KCNB2: variants seen among roughly 807,000 people sequenced by gnomAD.
KCNB2 encodes the protein potassium voltage-gated channel subfamily B member 2.
In KCNB2, 15 loss-of-function variants were observed where a neutral mutation model predicts 61.5. The ratio of observed to expected loss-of-function variants is 0.24; its 90% CI spans 0.16 to 0.38. The LOEUF (loss-of-function observed/expected upper bound fraction) is 0.38, where lower values mean the gene tolerates loss of function less well. Among genes scored for constraint, KCNB2 ranks in the 10% least tolerant of loss-of-function variants. KCNB2 has a pLI of 1.00. For missense variants in KCNB2, 828 were observed against 1,125.2 expected (o/e 0.74, Z 3.78); for synonymous variants, 457 against 446.0 (o/e 1.02, Z -0.31).
chr8:72,614,416 T>C (rs1276282511), intron 2 of KCNB2, among the ~76,000 whole-genome samples: 1 of 152,208 alleles, frequency 6.6e-6, no homozygotes, highest in Non-Finnish European at 1.5e-5. Context: ...CTAATAGCCC[T>C]GTAAAGGTAG....
chr8:72,678,705 T>G (rs1806703362), intron 2 of KCNB2, among the ~76,000 whole-genome samples: 1 of 152,220 alleles, frequency 6.6e-6, no homozygotes. Context: ...ACGTCAGGGA[T>G]TTTGTTTGTA....
At chr8:72,914,447 T>C (rs1806355594) in intron 2 of KCNB2, among the ~76,000 whole-genome samples, 2 of 152,236 alleles carry the variant, frequency 1.3e-5, no homozygotes. Context: ...TTCCTAGCCA[T>C]GCTTACTTAT....
At chr8:72,914,846 A>G (rs764768976) in intron 2 of KCNB2, among the ~76,000 whole-genome samples, 2 of 152,146 alleles carry the variant, frequency 1.3e-5, no homozygotes, top group Non-Finnish European at 2.9e-5. Context: ...TCAATCAGAC[A>G]TATCCTGACG....
rs945020672 is a variant in KCNB2 at position 72,937,500 on chromosome 8, C to G, written c.2145C>G (p.Leu715=). 1 of 1,613,860 alleles carries G rather than the reference C, an allele frequency of 6.2e-7. No individual in the cohort carries two copies. The highest frequency in any genetic ancestry group is 1.3e-5 in the African/African-American group (1 of 74,864). ...KGSNPLKSRS[L]KVNFKENRGS... ...GCAACCCACTAAAGTCCAGATCCCTCAAAGTGAACTTTAAGGAAAATAGAG... is the reference window on the plus strand; with the variant it reads ...GCAACCCACTAAAGTCCAGATCCCTGAAAGTGAACTTTAAGGAAAATAGAG... The change falls in exon 3 of 3, where the codon CTC becomes CTG. Residue 715 remains leucine, a synonymous_variant. Coordinates refer to ENST00000523207, the MANE Select transcript of KCNB2 (RefSeq NM_004770.3).
chr8:72,798,325 C>A (rs1385021098), intron 2 of KCNB2, among the ~76,000 whole-genome samples: 1 of 152,170 alleles, frequency 6.6e-6, no homozygotes, highest in African/African-American at 2.4e-5. Context: ...ACATGCAATT[C>A]TTCAGTGACA....
intron 2 of KCNB2, among the ~76,000 whole-genome samples, chr8:72,924,933 C>T (rs567846759): frequency 7.2e-4 from 110 of 152,286 alleles, no homozygotes; most frequent in African/African-American, 2.2e-3. Context: ...TCTGCAGTCA[C>T]GGCTGGATTT....
At chr8:72,590,005 TG>T (rs1439814462) in intron 2 of KCNB2, among the ~76,000 whole-genome samples, 2 of 152,196 alleles carry the variant, frequency 1.3e-5, no homozygotes, top group African/African-American at 2.4e-5. Context: ...TTACAGTGTA[TG>T]TGTAGATTAT....
intron 2 of KCNB2, among the ~76,000 whole-genome samples, chr8:72,675,450 G>C (rs573256780): frequency 6.6e-6 from 1 of 151,672 alleles, no homozygotes; most frequent in East Asian, 1.9e-4. Context: ...ATTACCCTTG[G>C]TTCACTCCCA....
chr8:72,551,212 T>G (rs1356229345), intron 1 of KCNB2, among the ~76,000 whole-genome samples: 4 of 152,148 alleles, frequency 2.6e-5, no homozygotes, highest in African/African-American at 7.2e-5. Context: ...TTTGCCCTTT[T>G]TTGTTGTTGT....
At chr8:72,631,301 C>G (rs2128984976) in intron 2 of KCNB2, among the ~76,000 whole-genome samples, 1 of 152,196 alleles carries the variant, frequency 6.6e-6, no homozygotes, top group Middle Eastern at 3.4e-3. Context: ...GCAAGAAGTC[C>G]TAGATCAAGG....
chr8:72,660,029 C>G (rs1391016822), intron 2 of KCNB2, among the ~76,000 whole-genome samples: 1 of 152,170 alleles, frequency 6.6e-6, no homozygotes, highest in African/African-American at 2.4e-5. Flanking sequence ...CATTTAAATA[C>G]TCTAATTATA....
In KCNB2 at chr8:72,824,023, G is replaced by T. The variant is rs576550661; in HGVS notation, c.580-111912G>T. On this transcript the variant is annotated intron_variant, in intron 2 of 2. Transcript: ENST00000523207. ...TTTTTTAAATTTCTCCCACCCCTTT[G>T]AACTCTATACAGTATGAGTAATATT... Among the ~76,000 whole-genome samples the T allele has an allele frequency of 3.3e-5, 5 of 152,214 alleles. No individual in the cohort carries two copies. In the East Asian group the frequency reaches 7.7e-4, roughly 24 times the overall value.
chr8:72,904,664 AT>A (rs1806143362), intron 2 of KCNB2, among the ~76,000 whole-genome samples: 1 of 151,912 alleles, frequency 6.6e-6, no homozygotes, highest in South Asian at 2.1e-4. Context: ...TATTTTTTTA[AT>A]TTTTTTATTA....
At chr8:72,767,016 T>C (rs1004028273) in intron 2 of KCNB2, among the ~76,000 whole-genome samples, 88 of 152,256 alleles carry the variant, frequency 5.8e-4, no homozygotes, top group African/African-American at 2.1e-3. Context: ...CGGAAACCCC[T>C]GATAAACTCA....
In KCNB2 at chr8:72,699,927, C is replaced by A. The variant is rs182294008; in HGVS notation, c.579+131614C>A. Among the ~76,000 whole-genome samples, 321 of 152,054 alleles carry A rather than the reference C, an allele frequency of 2.1e-3. 3 individuals are homozygous for A. Among genetic ancestry groups the A allele is most frequent in the African/African-American group, 7.3e-3 (302 of 41,472 alleles). ...TATTGCAGCACTATTTACAATAGCA[C>A]AGATTTGGAACCAACCCAAATGCCC... On this transcript the variant is annotated intron_variant, in intron 2 of 2. Coordinates refer to ENST00000523207, the MANE Select transcript of KCNB2 (RefSeq NM_004770.3).
At chr8:72,747,507 G>C (rs1363252757) in intron 2 of KCNB2, among the ~76,000 whole-genome samples, 1 of 152,138 alleles carries the variant, frequency 6.6e-6, no homozygotes, top group Non-Finnish European at 1.5e-5. Flanking sequence ...AGGTCAGCAA[G>C]GTCTCAAATC....
chr8:72,712,094 C>T (rs1425779929), intron 2 of KCNB2, among the ~76,000 whole-genome samples: 4 of 152,130 alleles, frequency 2.6e-5, no homozygotes, highest in Admixed American at 2.6e-4. Flanking sequence ...TTTAATTTGC[C>T]TTCATTTAAT....
At chr8:72,539,599 T>C (rs894911758) in intron 1 of KCNB2, among the ~76,000 whole-genome samples, 3 of 152,156 alleles carry the variant, frequency 2.0e-5, no homozygotes, top group Non-Finnish European at 4.4e-5. Flanking sequence ...CAAATCTCCC[T>C]CATACACAAA....
intron 2 of KCNB2, among the ~76,000 whole-genome samples, chr8:72,676,488 C>T (rs1806655674): frequency 6.6e-6 from 1 of 151,168 alleles, no homozygotes; most frequent in Admixed American, 6.7e-5. Flanking sequence ...TCTCCTTACA[C>T]ATCCACTAAT....
Sources: allele counts gnomAD v4.1 joint callset (sites outside exome capture counted in the v4.1 genomes callset), GRCh38; gene constraint gnomAD v4.1.1; transcripts MANE v1.5; gene names NCBI Gene and HGNC (gene_info 2026-07-23, HGNC 2026-07-21).